Variants in DHX15 observed in about 807,000 individuals in gnomAD.
DHX15 encodes the protein ATP-dependent RNA helicase DHX15.
A neutral mutation model predicts 94.4 loss-of-function variants in DHX15; 11 were observed. The observed-to-expected ratio is 0.12, with a 90% CI of 0.07 to 0.19. The LOEUF (loss-of-function observed/expected upper bound fraction) is 0.19. Among genes scored for constraint, DHX15 ranks in the 10% least tolerant of loss-of-function variants. The pLI is 1.00. For missense variants in DHX15, 304 were observed against 988.5 expected (o/e 0.31, Z 9.29); for synonymous variants, 338 against 329.9 (o/e 1.02, Z -0.27).
intron 3 of DHX15, among the ~76,000 whole-genome samples, chr4:24,565,389 T>C (rs1018905246): frequency 1.3e-5 from 2 of 152,230 alleles, no homozygotes; most frequent in African/African-American, 4.8e-5. Context: ...TAACCACATT[T>C]ATCCTTTATT....
At chr4:24,544,486 T>C (rs974589143) in intron 6 of DHX15, among the ~76,000 whole-genome samples, 2 of 152,214 alleles carry the variant, frequency 1.3e-5, no homozygotes, top group African/African-American at 2.4e-5. Flanking sequence ...TGTGGTTTGA[T>C]GATGTTGCTG....
At chr4:24,529,225 G>A (rs1354580422) in intron 13 of DHX15, among the ~76,000 whole-genome samples, 2 of 151,900 alleles carry the variant, frequency 1.3e-5, no homozygotes, top group African/African-American at 4.8e-5. Context: ...TTTTAGTAGA[G>A]ATGGATTCTG....
intron 3 of DHX15, among the ~76,000 whole-genome samples, chr4:24,559,710 C>CAACT (rs771859506): frequency 6.6e-6 from 1 of 152,120 alleles, no homozygotes; most frequent in Non-Finnish European, 1.5e-5. Context: ...CAGTGTTTTC[C>CAACT]AACTGTTTTA....
intron 9 of DHX15, 96 bp from the exon 10 acceptor site, chr4:24,540,395 G>T: frequency 9.7e-7 from 1 of 1,028,576 alleles, no homozygotes; most frequent in Non-Finnish European, 1.4e-6. Flanking sequence ...TTTTCATTTT[G>T]CAGTGGACCA....
intron 11 of DHX15, 150 bp downstream of exon 11, chr4:24,536,900 AT>A: frequency 1.1e-6 from 1 of 892,874 alleles, no homozygotes; most frequent in South Asian, 2.2e-5. Flanking sequence ...GGCAATTTCT[AT>A]TTTAAATGCT....
rs1395166527 is a variant in DHX15, at chr4:24,576,125, G to C, written c.507+118C>G. ...AGAGTGCCAATTAAACATCAAATCA[G>C]CTATTCTTCAAGATGTTCTATAGGA... On this transcript the variant is annotated intron_variant, in intron 2 of 13. Coordinates refer to ENST00000336812, the MANE Select transcript of DHX15 (RefSeq NM_001358.3). The C allele has an allele frequency of 4.0e-6, 3 of 755,034 alleles. No homozygotes were observed. The East Asian group carries it at 8.1e-5, about 20-fold the overall frequency. The allele number at this position is 755,034 out of a possible 1,614,324, so 46.8% of individuals were successfully genotyped here. A position where few individuals can be genotyped will look rare whatever the true frequency, so the allele number is the denominator to read the frequency against.
intron 3 of DHX15, among the ~76,000 whole-genome samples, chr4:24,562,829 T>C (rs550580605): frequency 2.4e-4 from 37 of 152,290 alleles, no homozygotes; most frequent in African/African-American, 8.7e-4. Flanking sequence ...GATGAATCTT[T>C]CACACACACA....
chr4:24,567,674 A>G (rs761330184), intron 3 of DHX15, among the ~76,000 whole-genome samples: 7 of 152,146 alleles, frequency 4.6e-5, no homozygotes, highest in Non-Finnish European at 8.8e-5. Context: ...CCTTCCTTAC[A>G]TCAAAATGAA....
chr4:24,563,027 G>C (rs1031336374), intron 3 of DHX15, among the ~76,000 whole-genome samples: 1 of 152,024 alleles, frequency 6.6e-6, no homozygotes, highest in Non-Finnish European at 1.5e-5. Context: ...ACAAAATGGT[G>C]TTGATTAATG....
intron 2 of DHX15, among the ~76,000 whole-genome samples, 188 bp downstream of exon 2, chr4:24,576,055 A>T (rs1166248070): frequency 6.6e-6 from 1 of 152,148 alleles, no homozygotes; most frequent in African/African-American, 2.4e-5. Flanking sequence ...TTTCCCCTAG[A>T]TTCAGGGGAG....
intron 3 of DHX15, among the ~76,000 whole-genome samples, chr4:24,560,974 AT>A (rs1443438819): frequency 6.6e-6 from 1 of 152,218 alleles, no homozygotes; most frequent in African/African-American, 2.4e-5. Flanking sequence ...TCATTTACTG[AT>A]TCCTTACTGG....
chr4:24,584,279 C>T (rs772212562), intron 1 of DHX15, 44 bp downstream of exon 1: 3 of 1,585,502 alleles, frequency 1.9e-6, no homozygotes, highest in African/African-American at 2.7e-5. Flanking sequence ...GCCAGGACCC[C>T]AACAAAGCCC....
chr4:24,543,224 C>T (rs1721353664), intron 6 of DHX15, among the ~76,000 whole-genome samples, 198 bp from the exon 7 acceptor site: 2 of 152,108 alleles, frequency 1.3e-5, no homozygotes, highest in Non-Finnish European at 2.9e-5. Flanking sequence ...GTTTACACCA[C>T]AACAGCAACT....
chr4:24,544,195 T>A (rs11728660), intron 6 of DHX15, among the ~76,000 whole-genome samples: 1 of 152,128 alleles, frequency 6.6e-6, no homozygotes, highest in Non-Finnish European at 1.5e-5. Context: ...TTTATCCCTA[T>A]TTTATTTTAA....
intron 3 of DHX15, among the ~76,000 whole-genome samples, chr4:24,567,669 C>T (rs113072462): frequency 6.6e-6 from 1 of 152,134 alleles, no homozygotes; most frequent in Non-Finnish European, 1.5e-5. Context: ...CCTCTCCTTC[C>T]TTACATCAAA....
At chr4:24,539,645 A>G (rs896191561) in intron 10 of DHX15, 5 of 152,284 alleles carry the variant, frequency 3.3e-5, no homozygotes, top group African/African-American at 1.2e-4. Context: ...GAAGTTTGAA[A>G]TTCATGTTTG....
At chr4:24,544,825 A>G (rs1721388809) in intron 6 of DHX15, among the ~76,000 whole-genome samples, 1 of 152,208 alleles carries the variant, frequency 6.6e-6, no homozygotes, top group Non-Finnish European at 1.5e-5. Flanking sequence ...TAAACTATAC[A>G]GAATAGGCCA....
chr4:24,536,954 G>A, intron 11 of DHX15, 97 bp downstream of exon 11: 1 of 1,361,974 alleles, frequency 7.3e-7, no homozygotes, highest in Non-Finnish European at 9.7e-7. Flanking sequence ...TCTAATATAA[G>A]TTGTCACGGA....
chr4:24,554,610 C>G (rs1721687239), intron 5 of DHX15, 115 bp downstream of exon 5: 1 of 760,440 alleles, frequency 1.3e-6, no homozygotes, highest in Admixed American at 2.5e-5. Context: ...TTAATACAAT[C>G]AGGTTGAAGA....
Sources: gnomAD v4.1 joint callset for allele counts (sites outside exome capture counted in the v4.1 genomes callset) on GRCh38, gnomAD v4.1.1 for gene constraint, MANE v1.5 for transcripts, NCBI Gene and HGNC (gene_info 2026-07-23, HGNC 2026-07-21) for gene names.